The following FXR2 variants were observed in gnomAD, a reference collection of about 807,000 sequenced individuals.
FXR2 encodes FMR1 autosomal homolog 2, also known as RNA-binding protein FXR2.
In FXR2, 9 loss-of-function variants were observed where a neutral mutation model predicts 87.3. That is an observed-to-expected ratio of 0.10 (90% CI 0.06 to 0.18). FXR2 has a LOEUF of 0.18. FXR2 is among the 10% of genes least tolerant of loss of function. FXR2 has a pLI of 1.00. For missense variants in FXR2, 661 were observed against 893.6 expected, an observed-to-expected ratio of 0.74 and a Z score of 3.32; for synonymous variants, 331 against 328.3, an observed-to-expected ratio of 1.01 and a Z score of -0.09.
Position 7,593,284 on chromosome 17 carries a change from A to G in FXR2, c.1331-103T>C. 8.2e-7 allele frequency: 1 copy of G among 1,224,834 alleles called. No homozygotes were observed. Among genetic ancestry groups the G allele is most frequent in the Non-Finnish European group, 1.1e-6 (1 of 885,894 alleles). 75.9% of individuals were successfully genotyped at this position (1,224,834 alleles called of 1,614,324 possible). A position where few individuals can be genotyped will look rare whatever the true frequency, so the allele number is the denominator to read the frequency against. On this transcript the variant is annotated intron_variant, in intron 12 of 16. Transcript: ENST00000250113. The surrounding 1 kb of genome is among the most constrained non-coding windows in gnomAD (Gnocchi z 6.1). Reference sequence around the variant, plus strand: ...TCTCCTTCTCACTCACAAGCCTCCCAGCCAATCAATCACTTTTTCATCATC... The same window carrying G: ...TCTCCTTCTCACTCACAAGCCTCCCGGCCAATCAATCACTTTTTCATCATC...
chr17:7,597,008 G>A (rs1017109697), intron 7 of FXR2, among the ~76,000 whole-genome samples: 9 of 152,120 alleles, frequency 5.9e-5, no homozygotes, highest in African/African-American at 2.2e-4. Flanking sequence ...GCTGAGGCAG[G>A]AGAATTGCTT....
At chr17:7,608,439 AAAAAAT>A (rs1451287576) in intron 1 of FXR2, among the ~76,000 whole-genome samples, 4 of 147,460 alleles carry the variant, frequency 2.7e-5, no homozygotes, top group African/African-American at 4.9e-5. Context: ...TAAAAAAAAA[AAAAAAT>A]AATAATAATA....
chr17:7,609,386 T>C (rs770071893), intron 1 of FXR2, among the ~76,000 whole-genome samples: 3 of 152,210 alleles, frequency 2.0e-5, no homozygotes, highest in African/African-American at 4.8e-5. Context: ...TGTCTTGCTA[T>C]AGAGGCTGCA....
At chr17:7,604,300 C>A (rs1287524772) in intron 3 of FXR2, among the ~76,000 whole-genome samples, 1 of 151,846 alleles carries the variant, frequency 6.6e-6, no homozygotes, top group East Asian at 1.9e-4. Flanking sequence ...CACAGTGGCT[C>A]AAGCTTATAA....
chr17:7,610,665 GT>G (rs1454629787), intron 1 of FXR2, among the ~76,000 whole-genome samples: 1 of 152,170 alleles, frequency 6.6e-6, no homozygotes, highest in East Asian at 1.9e-4. Context: ...TCCCATACTA[GT>G]TTTTTTCTCC....
Position 7,593,230 on chromosome 17 carries a change from A to G in FXR2, c.1331-49T>C. Reference sequence around the variant, plus strand: ...TCACGGCCATTCATCCCACCTCAGGATCCATCACATCCCCCAAACTGGAAG... The same window carrying G: ...TCACGGCCATTCATCCCACCTCAGGGTCCATCACATCCCCCAAACTGGAAG... On this transcript the variant is annotated intron_variant, in intron 12 of 16. Coordinates refer to ENST00000250113, the MANE Select transcript of FXR2 (RefSeq NM_004860.4). This position sits in a 1 kb window ranked among gnomAD's most constrained non-coding sequence, Gnocchi z 6.1. 2 of 1,378,216 alleles carry G rather than the reference A, an allele frequency of 1.5e-6. No homozygotes were observed. The highest frequency in any genetic ancestry group is 9.8e-7 in the Non-Finnish European group (1 of 1,022,694). The allele number at this position is 1,378,216 out of a possible 1,614,324, so 85.4% of individuals were successfully genotyped here. A position where few individuals can be genotyped will look rare whatever the true frequency, so the allele number is the denominator to read the frequency against.
At chr17:7,614,337 C>T in intron 1 of FXR2, 115 bp downstream of exon 1, 1 of 794,172 alleles carries the variant, frequency 1.3e-6, no homozygotes, top group South Asian at 1.7e-5. Flanking sequence ...AGCAAGGGTC[C>T]AAGATTCTAA....
At chr17:7,600,700 A>C (rs2071747883) in intron 7 of FXR2, among the ~76,000 whole-genome samples, 1 of 152,036 alleles carries the variant, frequency 6.6e-6, no homozygotes, top group Non-Finnish European at 1.5e-5. Flanking sequence ...CCTGGTCAAC[A>C]TGGTGAAACC....
rs979585861 is a variant in FXR2 at position 7,591,930 on chromosome 17, G to A, written c.1927-5C>T. 2 of 1,529,022 alleles carry A rather than the reference G, an allele frequency of 1.3e-6. No individual in the cohort carries two copies. Among genetic ancestry groups the A allele is most frequent in the East Asian group, 4.5e-5 (2 of 44,452 alleles). The allele number at this position is 1,529,022 out of a possible 1,614,324, so 94.7% of individuals were successfully genotyped here. A position where few individuals can be genotyped will look rare whatever the true frequency, so the allele number is the denominator to read the frequency against. ...AAGCTTGCTGACAGAGTCACCCTGA[G>A]GGGAAAGTGGGAAAGAAAACAGAAA... On this transcript the variant is annotated splice_polypyrimidine_tract_variant and splice_region_variant and intron_variant, in intron 16 of 16. Coordinates refer to ENST00000250113, the MANE Select transcript of FXR2 (RefSeq NM_004860.4). The surrounding 1 kb of genome is among the most constrained non-coding windows in gnomAD (Gnocchi z 4.0).
rs955845015 is a variant in FXR2 at position 7,591,632 on chromosome 17, G to C, written c.*198C>G. 13 of 596,298 alleles carry C rather than the reference G, an allele frequency of 2.2e-5. No individual in the cohort carries two copies. The highest frequency in any genetic ancestry group is 5.5e-5 in the Admixed American group (2 of 36,484). The allele number at this position is 596,298 out of a possible 1,614,324, so 36.9% of individuals were successfully genotyped here. A position where few individuals can be genotyped will look rare whatever the true frequency, so the allele number is the denominator to read the frequency against. On this transcript the variant is annotated 3_prime_UTR_variant, in exon 17 of 17. Transcript: ENST00000250113. This position sits in a 1 kb window ranked among gnomAD's most constrained non-coding sequence, Gnocchi z 4.0. ...GAGGCTCCCCTTACCCTGGGGGTAG[G>C]GTGGACAAGAGGGAGGGGGTATGAC... is the stretch of plus-strand genomic sequence containing the variant.
chr17:7,594,474 G>C lies in FXR2; in HGVS notation c.911-127C>G, dbSNP rs2071691780. ...CATTTACTTCATTCTCCTGCTTCTA[G>C]GTTTCTGATGTGTTTTTACAGGACA... On this transcript the variant is annotated intron_variant, in intron 9 of 16. Transcript: ENST00000250113. This position sits in a 1 kb window ranked among gnomAD's most constrained non-coding sequence, Gnocchi z 5.1. 2.9e-6 allele frequency: 2 copies of C among 687,196 alleles called. No individual in the cohort carries two copies. The highest frequency in any genetic ancestry group is 5.1e-6 in the Non-Finnish European group (2 of 395,772). The allele number at this position is 687,196 out of a possible 1,614,324, so 42.6% of individuals were successfully genotyped here. A position where few individuals can be genotyped will look rare whatever the true frequency, so the allele number is the denominator to read the frequency against.
intron 7 of FXR2, among the ~76,000 whole-genome samples, chr17:7,598,073 T>C: frequency 6.6e-6 from 1 of 151,930 alleles, no homozygotes; most frequent in East Asian, 1.9e-4. Flanking sequence ...CCAGTTCAAG[T>C]TTCTCACCTG....
Position 7,614,871 on chromosome 17 carries a change from C to A in FXR2, c.-339G>T, listed in dbSNP as rs1412053378. 6.3e-6 allele frequency: 1 copy of A among 157,722 alleles called. No homozygotes were observed. The highest frequency in any genetic ancestry group is 1.4e-5 in the Non-Finnish European group (1 of 71,352). The allele number at this position is 157,722 out of a possible 1,614,324, so 9.8% of individuals were successfully genotyped here. On this transcript the variant is annotated 5_prime_UTR_variant, in exon 1 of 17. Coordinates refer to ENST00000250113, the MANE Select transcript of FXR2 (RefSeq NM_004860.4). ...TGCCGCTGCCGCTCCACAGCCTCCA[C>A]CTCCCCCTGCCACCGCCGCCTACTG...
rs571852115 is a variant in FXR2, at chr17:7,600,444, C to T, written c.660+965G>A. ...GATTGATCTGCCTGCCTCGGCCTCC[C>T]AAAGTGCTAAAGTGCTGCGATTAAA... On this transcript the variant is annotated intron_variant, in intron 7 of 16. Coordinates refer to ENST00000250113, the MANE Select transcript of FXR2 (RefSeq NM_004860.4). Among the ~76,000 whole-genome samples, 305 of 152,034 alleles carry T rather than the reference C, an allele frequency of 2.0e-3. 1 individual carries two copies. The highest frequency in any genetic ancestry group is 3.6e-3 in the Non-Finnish European group (243 of 67,938).
intron 1 of FXR2, among the ~76,000 whole-genome samples, chr17:7,607,730 G>A (rs1404242160): frequency 6.6e-6 from 1 of 151,468 alleles, no homozygotes; most frequent in African/African-American, 2.4e-5. Flanking sequence ...CCCAGCCTAT[G>A]ATCCATTTTG....
rs2071797307 is a variant in FXR2 at position 7,605,654 on chromosome 17, A to T, written c.219T>A (p.Asp73Glu). ...ACTCCACAGCCCTTACCTCCACTTCATCCCCTTCTGTGATCTCCTTATTAT... is the reference window on the plus strand; with the variant it reads ...ACTCCACAGCCCTTACCTCCACTTCTTCCCCTTCTGTGATCTCCTTATTAT... ...ADYNKEITEG[D>E]EVEVYSRANE... The change falls in exon 3 of 17, where the codon GAT becomes GAA. Residue 73 changes from aspartate to glutamate, a missense_variant. Coordinates refer to ENST00000250113, the MANE Select transcript of FXR2 (RefSeq NM_004860.4). 6.5e-7 allele frequency: 1 copy of T among 1,528,414 alleles called. No homozygotes were observed. The highest frequency in any genetic ancestry group is 1.1e-5 in the South Asian group (1 of 88,360). 94.7% of individuals were successfully genotyped at this position (1,528,414 alleles called of 1,614,324 possible).
Position 7,593,427 on chromosome 17 carries a change from G to C in FXR2, c.1306C>G (p.Arg436Gly). The change falls in exon 12 of 17, where the codon CGG becomes GGG. Residue 436 changes from arginine to glycine, a missense_variant. Arg to Gly is a moderately radical substitution (Grantham distance 125). This residue lies in a region of FXR2 where 409 missense variants were observed against 432.0 expected (regional missense o/e 0.95). Coordinates refer to ENST00000250113, the MANE Select transcript of FXR2 (RefSeq NM_004860.4). This position sits in a 1 kb window ranked among gnomAD's most constrained non-coding sequence, Gnocchi z 6.1. ...GGSYGGRGRG[R>G]RTGGPAYGPS... is the part of the protein sequence containing the mutation. ...CCATAGGCAGGACCGCCTGTCCTCC[G>C]GCCACGGCCACGGCCCCCATAGCTG... The C allele has an allele frequency of 6.3e-7, 1 of 1,579,270 alleles. No homozygotes were observed. The highest frequency in any genetic ancestry group is 8.6e-7 in the Non-Finnish European group (1 of 1,163,320).
At position 7,597,760 on chromosome 17, in the gene FXR2, G is replaced by A. The variant is rs1203891423; in HGVS notation, c.661-1766C>T. On this transcript the variant is annotated intron_variant, in intron 7 of 16. Transcript: ENST00000250113. The stretch of plus-strand genomic sequence containing the variant: ...ACTAGGCATGACTGATTAAATCACT[G>A]ATCCTCAGTGATTGCCTTAACCTTT... 3.3e-5 allele frequency among the ~76,000 whole-genome samples: 5 copies of A among 151,812 alleles called. No individual in the cohort carries two copies. In the South Asian group the frequency reaches 8.3e-4, roughly 25 times the overall value.
chr17:7,600,625 T>C (rs1309276768), intron 7 of FXR2, among the ~76,000 whole-genome samples: 1 of 152,100 alleles, frequency 6.6e-6, no homozygotes, highest in Non-Finnish European at 1.5e-5. Flanking sequence ...GCGGCTCATG[T>C]CTGTAATCCC....
Sources: gnomAD v4.1 joint callset for allele counts (sites outside exome capture counted in the v4.1 genomes callset) on GRCh38, gnomAD v4.1.1 for gene constraint, gnomAD v4.1.1 regional missense constraint, Gnocchi (gnomAD v3.1) non-coding constraint, MANE v1.5 for transcripts, NCBI Gene and HGNC (gene_info 2026-07-23, HGNC 2026-07-21) for gene names.